The following FGFR2 variants were observed in gnomAD, a reference collection of about 807,000 sequenced individuals.
FGFR2 encodes the protein BEK fibroblast growth factor receptor.
FGFR2 carries 19 observed loss-of-function variants against 95.9 expected under a neutral mutation model. The observed-to-expected ratio is 0.20, with a 90% confidence interval of 0.14 to 0.29. FGFR2 has a LOEUF of 0.29. Among genes scored for constraint, FGFR2 ranks in the 10% least tolerant of loss-of-function variants. The probability of loss-of-function intolerance (pLI) is 1.00; values close to 1 mark genes in which losing one functional copy is unlikely to be tolerated. For synonymous variants in FGFR2, 392 were observed against 393.3 expected (o/e 1.00, Z 0.04); for missense variants, 707 against 1,056.9 (o/e 0.67, Z 4.59).
chr10:121,568,362 C>T (rs10510097), intron 2 of FGFR2, among the ~76,000 whole-genome samples: 28,854 of 152,168 alleles, frequency 0.19, 3,575 homozygotes, highest in African/African-American at 0.36. Flanking sequence ...TACATTGGAT[C>T]AGTCTGGGTC....
rs1851398170 is a variant in FGFR2, at chr10:121,526,582, A to G, written c.749-6413T>C. ...GAAGATCAGCACAAAGGAAGGTCAGAACTAAAAATGATTAGCAGAAAAAGG... is the reference window on the plus strand; with the variant it reads ...GAAGATCAGCACAAAGGAAGGTCAGGACTAAAAATGATTAGCAGAAAAAGG... On this transcript the variant is annotated intron_variant, in intron 6 of 17. Coordinates refer to ENST00000358487, the MANE Select transcript of FGFR2 (RefSeq NM_000141.5). 5.0e-6 allele frequency: 2 copies of G among 397,440 alleles called. 1 individual carries two copies. Among genetic ancestry groups the G allele is most frequent in the Admixed American group, 8.8e-5 (2 of 22,708 alleles). 24.6% of individuals were successfully genotyped at this position (397,440 alleles called of 1,614,324 possible).
intron 2 of FGFR2, among the ~76,000 whole-genome samples, chr10:121,577,187 A>AGAGAGAGAGAGAGAGAGAGG (rs1554859080): frequency 2.9e-4 from 34 of 118,092 alleles, no homozygotes; most frequent in African/African-American, 1.0e-3. Flanking sequence ...ATAGAGAGAG[A>AGAGAGAGAGAGAGAGAGAGG]GAGAGAGAGA....
intron 5 of FGFR2, among the ~76,000 whole-genome samples, chr10:121,544,406 T>G (rs902647742): frequency 1.4e-5 from 2 of 143,532 alleles, no homozygotes; most frequent in Non-Finnish European, 3.0e-5. Flanking sequence ...GTTGCACCAC[T>G]GCACTCCAGC....
chr10:121,521,273 A>G (rs762697386), intron 6 of FGFR2, among the ~76,000 whole-genome samples: 1 of 152,160 alleles, frequency 6.6e-6, no homozygotes, highest in Non-Finnish European at 1.5e-5. Context: ...GTATCCCAAA[A>G]TTACTTCCTA....
At chr10:121,542,018 A>G (rs1853835915) in intron 5 of FGFR2, among the ~76,000 whole-genome samples, 2 of 152,240 alleles carry the variant, frequency 1.3e-5, no homozygotes, top group Non-Finnish European at 1.5e-5. Context: ...AGAGACATTA[A>G]GAATGCATAG....
At chr10:121,482,283 C>A (rs1043997264) in intron 17 of FGFR2, 1 of 928,390 alleles carries the variant, frequency 1.1e-6, no homozygotes, top group East Asian at 2.6e-5. Flanking sequence ...GTTTCTTCCC[C>A]CCCTTGAACC....
intron 13 of FGFR2, among the ~76,000 whole-genome samples, chr10:121,490,764 C>T (rs35401699): frequency 0.04 from 6,162 of 152,322 alleles, 173 homozygotes; most frequent in Non-Finnish European, 0.06. Context: ...GGGCAAGCTA[C>T]GTGATCCCTG....
intron 2 of FGFR2, among the ~76,000 whole-genome samples, chr10:121,588,897 G>A (rs898672712): frequency 6.6e-6 from 1 of 152,006 alleles, no homozygotes; most frequent in African/African-American, 2.4e-5. Context: ...CTGGGTGGCA[G>A]ATCAAGACTC....
intron 10 of FGFR2, among the ~76,000 whole-genome samples, chr10:121,502,265 A>G (rs1490089494): frequency 6.6e-6 from 1 of 152,228 alleles, no homozygotes; most frequent in Non-Finnish European, 1.5e-5. Context: ...CGGAGTTCAC[A>G]AGAAACATCC....
At chr10:121,588,841 C>T (rs1219643) in intron 2 of FGFR2, among the ~76,000 whole-genome samples, 7 of 152,054 alleles carry the variant, frequency 4.6e-5, no homozygotes, top group Non-Finnish European at 1.0e-4. Context: ...CAGTGAGCCA[C>T]GTTTGACAAT....
chr10:121,552,457 G>A (rs1010372805), intron 4 of FGFR2, among the ~76,000 whole-genome samples: 2 of 152,304 alleles, frequency 1.3e-5, no homozygotes, highest in Admixed American at 6.5e-5. Flanking sequence ...TGGCTTCCAA[G>A]TGGGGAAACT....
chr10:121,551,369 C>A lies in FGFR2; in HGVS notation c.545G>T (p.Gly182Val), dbSNP rs1855386108. ...CCGCATGGTTGGCATTGGGTTCCCCCCGGCTGGGCAGCGAAACTTGACAGT... is the reference window on the plus strand; with the variant it reads ...CCGCATGGTTGGCATTGGGTTCCCCACGGCTGGGCAGCGAAACTTGACAGT... ...ANTVKFRCPA[G>V]GNPMPTMRWL... Residue 182 changes from glycine to valine, a missense_variant, in exon 5 of 18, where the codon GGG (glycine) becomes GTG (valine). Coordinates refer to ENST00000358487, the MANE Select transcript of FGFR2 (RefSeq NM_000141.5). The A allele has an allele frequency of 6.2e-7, 1 of 1,614,216 alleles. No homozygotes were observed. The highest frequency in any genetic ancestry group is 1.1e-5 in the South Asian group (1 of 91,088).
At chr10:121,499,570 G>T (rs1847319701) in intron 11 of FGFR2, among the ~76,000 whole-genome samples, 1 of 152,236 alleles carries the variant, frequency 6.6e-6, no homozygotes, top group African/African-American at 2.4e-5. Flanking sequence ...TTACAGGGAA[G>T]GCTGCCAGCC....
rs559590176 is a variant in FGFR2 at position 121,587,387 on chromosome 10, C to T, written c.109+6322G>A. ...ACAAAGACATCAAAAGCAATTGCAACAAAAGCAAAAATTGACAAATGGGAT... is the reference window on the plus strand; with the variant it reads ...ACAAAGACATCAAAAGCAATTGCAATAAAAGCAAAAATTGACAAATGGGAT... On this transcript the variant is annotated intron_variant, in intron 2 of 17. Transcript: ENST00000358487. Among the ~76,000 whole-genome samples the T allele has an allele frequency of 5.9e-5, 9 of 152,236 alleles. No individual in the cohort carries two copies. In the South Asian group the frequency reaches 1.9e-3, roughly 32 times the overall value.
chr10:121,554,860 C>G (rs140880017), intron 4 of FGFR2, among the ~76,000 whole-genome samples: 1 of 152,096 alleles, frequency 6.6e-6, no homozygotes, highest in African/African-American at 2.4e-5. Context: ...CCAGGGCCTC[C>G]CAAGAACTGC....
chr10:121,556,587 T>C (rs1856193252), intron 4 of FGFR2, among the ~76,000 whole-genome samples: 1 of 152,104 alleles, frequency 6.6e-6, no homozygotes, highest in Non-Finnish European at 1.5e-5. Context: ...TTGATCAAGG[T>C]CACACAGCCA....
At chr10:121,525,286 A>G (rs1851203979) in intron 6 of FGFR2, among the ~76,000 whole-genome samples, 1 of 152,234 alleles carries the variant, frequency 6.6e-6, no homozygotes, top group Admixed American at 6.5e-5. Flanking sequence ...TGAATTCCAA[A>G]TTAAGACGGA....
chr10:121,554,103 AC>A (rs1248263326), intron 4 of FGFR2, among the ~76,000 whole-genome samples: 3 of 152,196 alleles, frequency 2.0e-5, no homozygotes, highest in Admixed American at 6.5e-5. Context: ...CTTCTGCAAA[AC>A]ACAGACACAG....
chr10:121,586,652 G>T (rs1178093707), intron 2 of FGFR2, among the ~76,000 whole-genome samples: 2 of 152,136 alleles, frequency 1.3e-5, no homozygotes, highest in Non-Finnish European at 2.9e-5. Flanking sequence ...AAAATCTAAA[G>T]CACGCCTATT....
Sources: gnomAD v4.1 joint callset for allele counts (sites outside exome capture counted in the v4.1 genomes callset) on GRCh38, gnomAD v4.1.1 for gene constraint, MANE v1.5 for transcripts, NCBI Gene and HGNC (gene_info 2026-07-23, HGNC 2026-07-21) for gene names.